The following VPS13C variants were observed in gnomAD, a reference collection of about 807,000 sequenced individuals.
The protein encoded by VPS13C is vacuolar protein sorting 13 homolog C, also known as intermembrane lipid transfer protein VPS13C.
Under a neutral mutation model 456.8 loss-of-function variants are expected in VPS13C, and 358 were observed. The observed-to-expected ratio is 0.78, with a 90% CI of 0.72 to 0.86. The LOEUF (loss-of-function observed/expected upper bound fraction) is 0.86, where lower values mean the gene tolerates loss of function less well. VPS13C is among the 40% of genes least tolerant of loss of function. VPS13C has a pLI of 0.00. For synonymous variants in VPS13C, 1,578 were observed against 1,486.7 expected (o/e 1.06, Z -1.41); for missense variants, 4,818 against 4,385.4 (o/e 1.10, Z -2.79).
At chr15:62,025,634 G>A (rs1240460414) in intron 6 of VPS13C, among the ~76,000 whole-genome samples, 1 of 151,958 alleles carries the variant, frequency 6.6e-6, no homozygotes, top group Admixed American at 6.6e-5. Flanking sequence ...CATCTCAATG[G>A]CAGATACACC....
intron 41 of VPS13C, among the ~76,000 whole-genome samples, chr15:61,949,995 T>C (rs940484219): frequency 2.0e-5 from 3 of 152,200 alleles, no homozygotes; most frequent in African/African-American, 2.4e-5. Flanking sequence ...TATGCTTCAG[T>C]TAATCTTATT....
At chr15:62,026,413 A>C (rs947144922) in intron 6 of VPS13C, among the ~76,000 whole-genome samples, 1 of 152,058 alleles carries the variant, frequency 6.6e-6, no homozygotes, top group Non-Finnish European at 1.5e-5. Context: ...CACCAATCTC[A>C]TCAGAAAAGT....
rs1476340642 is a variant in VPS13C at position 62,037,246 on chromosome 15, A to ATT, written c.188-2195_188-2194insAA. Among the ~76,000 whole-genome samples the ATT allele has an allele frequency of 4.7e-3, 120 of 25,632 alleles. 7 individuals are homozygous for ATT. The highest frequency in any genetic ancestry group is 8.7e-3 in the East Asian group (10 of 1,148). The allele number at this position is 25,632 out of a possible 152,430, so 16.8% of individuals were successfully genotyped here. A position where few individuals can be genotyped will look rare whatever the true frequency, so the allele number is the denominator to read the frequency against. ...TAATATATTATATATAAATATATAT[A>ATT]ATATATTTATATATATTATATTATA... On this transcript the variant is annotated intron_variant, in intron 3 of 84. Transcript: ENST00000644861.
chr15:61,897,649 G>A (rs933703004), intron 66 of VPS13C, among the ~76,000 whole-genome samples: 54 of 152,216 alleles, frequency 3.5e-4, no homozygotes, highest in African/African-American at 1.1e-3. Flanking sequence ...AAGTGATGGG[G>A]AGAATGGAAC....
At chr15:62,005,843 C>T (rs1021060868) in intron 15 of VPS13C, among the ~76,000 whole-genome samples, 51 of 151,782 alleles carry the variant, frequency 3.4e-4, no homozygotes, top group African/African-American at 1.2e-3. Context: ...ACTGGGATTA[C>T]GGGTGCCCAC....
chr15:62,007,346 G>C lies in VPS13C; in HGVS notation c.1252C>G (p.Gln418Glu). 1 of 1,612,282 alleles carries C rather than the reference G, an allele frequency of 6.2e-7. No individual in the cohort carries two copies. The highest frequency in any genetic ancestry group is 8.5e-7 in the Non-Finnish European group (1 of 1,179,300). The change falls in exon 15 of 85, where the codon CAG (glutamine) becomes GAG (glutamate). Residue 418 changes from glutamine to glutamate, a missense_variant. By Grantham distance (29) the Gln-to-Glu change is conservative. Coordinates refer to ENST00000644861, the MANE Select transcript of VPS13C (RefSeq NM_020821.3). ...YKIAYKNKLT[Q>E]SKVSEEIQKE... ...TGTATTTCTTCTGAGACTTTAGACTGTGTTAACTTGTTTTTGTAGGCAATT... is the reference window on the plus strand; with the variant it reads ...TGTATTTCTTCTGAGACTTTAGACTCTGTTAACTTGTTTTTGTAGGCAATT...
chr15:62,000,229 G>A (rs1325933857), intron 16 of VPS13C, among the ~76,000 whole-genome samples: 1 of 152,054 alleles, frequency 6.6e-6, no homozygotes, highest in Non-Finnish European at 1.5e-5. Context: ...AGCCGGGCGT[G>A]GTGGCACACG....
chr15:61,985,020 T>G, intron 18 of VPS13C, 21 bp from the exon 19 acceptor site: 1 of 1,370,386 alleles, frequency 7.3e-7, no homozygotes, highest in Non-Finnish European at 9.6e-7. Flanking sequence ...AGAATGAAAT[T>G]AAAATTGTTA....
intron 13 of VPS13C, 47 bp downstream of exon 13, chr15:62,010,425 C>A: frequency 6.8e-7 from 1 of 1,472,358 alleles, no homozygotes; most frequent in South Asian, 1.6e-5. Context: ...TAAAAGCAGT[C>A]AAGATTCAAG....
At chr15:62,054,347 A>G (rs927165816) in intron 1 of VPS13C, among the ~76,000 whole-genome samples, 2 of 152,228 alleles carry the variant, frequency 1.3e-5, no homozygotes, top group Non-Finnish European at 1.5e-5. Flanking sequence ...GTAAAAGCAT[A>G]AGCATAAATT....
In VPS13C at chr15:61,854,304, G is replaced by C. The variant is rs1267218781; in HGVS notation, c.*153C>G. On this transcript the variant is annotated 3_prime_UTR_variant, in exon 85 of 85. Transcript: ENST00000644861. ...ACAAAATTAGAGTAAAAACTAAAAG[G>C]TGAAAAAACTAGAAAACCCAATACT... The C allele has an allele frequency of 4.2e-6, 3 of 710,844 alleles. No individual in the cohort carries two copies. The highest frequency in any genetic ancestry group is 7.2e-6 in the Non-Finnish European group (3 of 414,732). 44.0% of individuals were successfully genotyped at this position (710,844 alleles called of 1,614,324 possible). A position where few individuals can be genotyped will look rare whatever the true frequency, so the allele number is the denominator to read the frequency against.
rs1384924715 is a variant in VPS13C, at chr15:61,991,797, A to C, written c.1359T>G (p.Ile453Met). 3.1e-6 allele frequency: 5 copies of C among 1,609,206 alleles called. No homozygotes were observed. The highest frequency in any genetic ancestry group is 4.2e-6 in the Non-Finnish European group (5 of 1,178,076). Residue 453 changes from isoleucine (I) to methionine (M), a missense_variant, in exon 17 of 85, where the codon ATT becomes ATG. Transcript: ENST00000644861. ...TTTTCCTTAATTTTTGCCCAGACCG[A>C]ATCACCTGAAAAATAAAAATTAAAA... is the stretch of plus-strand genomic sequence containing the variant. ...LARQQAQVEV[I>M]RSGQKLRKKS...
At chr15:61,972,838 C>T (rs2045596294) in intron 26 of VPS13C, 74 bp from the exon 27 acceptor site, 3 of 1,435,382 alleles carry the variant, frequency 2.1e-6, no homozygotes, top group Non-Finnish European at 2.8e-6. Context: ...AAATCTAAAT[C>T]TCTAAAAAGT....
intron 59 of VPS13C, 99 bp from the exon 60 acceptor site, chr15:61,917,734 T>C (rs750851868): frequency 7.6e-6 from 10 of 1,318,428 alleles, no homozygotes; most frequent in Admixed American, 2.7e-5. Flanking sequence ...ATAGGTGCTA[T>C]TATTCCTGTT....
chr15:62,040,763 T>C (rs1156590832), intron 3 of VPS13C, among the ~76,000 whole-genome samples: 1 of 152,134 alleles, frequency 6.6e-6, no homozygotes, highest in Non-Finnish European at 1.5e-5. Context: ...TAGCATGGAC[T>C]AGATGGGAAG....
At chr15:62,038,329 C>A (rs1288807837) in intron 3 of VPS13C, among the ~76,000 whole-genome samples, 1 of 152,150 alleles carries the variant, frequency 6.6e-6, no homozygotes, top group Non-Finnish European at 1.5e-5. Flanking sequence ...TGACTCACAC[C>A]TGTAATCCCA....
intron 81 of VPS13C, chr15:61,865,204 A>C (rs1473575269): frequency 1.0e-6 from 1 of 984,738 alleles, no homozygotes. Flanking sequence ...CCCTTTACCC[A>C]GTAATTCAAT....
rs1244020578 is a variant in VPS13C at position 61,972,643 on chromosome 15, G to C, written c.2739C>G (p.Leu913=). 6.2e-6 allele frequency: 10 copies of C among 1,612,788 alleles called. No homozygotes were observed. Among genetic ancestry groups the C allele is most frequent in the East Asian group, 2.2e-5 (1 of 44,830 alleles). ...VPNEELINLL[L]KFEIKEVILE... is the part of the protein sequence containing the mutation. ...CACATACTTCTTTAATTTCAAACTT[G>C]AGTAGAAGATTGATGAGCTCCTCAT... Residue 913 remains leucine, a synonymous_variant, in exon 27 of 85, where the codon CTC becomes CTG. Transcript: ENST00000644861.
chr15:62,000,386 T>C (rs1483539520), intron 16 of VPS13C, among the ~76,000 whole-genome samples, 178 bp downstream of exon 16: 1 of 151,894 alleles, frequency 6.6e-6, no homozygotes, highest in African/African-American at 2.4e-5. Context: ...ATAATAAAAA[T>C]AAGGTTTTTT....
Sources: allele counts gnomAD v4.1 joint callset (sites outside exome capture counted in the v4.1 genomes callset), GRCh38; gene constraint gnomAD v4.1.1; transcripts MANE v1.5; gene names NCBI Gene and HGNC (gene_info 2026-07-23, HGNC 2026-07-21).